The following ZNF682 variants were observed in gnomAD, a reference collection of about 807,000 sequenced individuals.
ZNF682 encodes zinc finger protein 682.
Under a neutral mutation model 36.5 loss-of-function variants are expected in ZNF682, and 29 were observed. The ratio of observed to expected loss-of-function variants is 0.80; its 90% CI spans 0.59 to 1.08. The LOEUF (loss-of-function observed/expected upper bound fraction) is 1.08, where lower values mean the gene tolerates loss of function less well. Ranked by LOEUF, ZNF682 falls within the 50% of genes least tolerant of loss-of-function variation. The pLI is 0.00. For synonymous variants in ZNF682, 180 were observed against 197.0 expected (o/e 0.91, Z 0.72); for missense variants, 561 against 579.7 (o/e 0.97, Z 0.33).
Position 20,039,233 on chromosome 19 carries a change from C to T in ZNF682, c.3+110G>A, listed in dbSNP as rs2088562018. ...GCTGTGCCTGCCGGGGACTCCAGTCCGCAGACTCCGGAGCTGACAGCTGGG... is the reference window on the plus strand; with the variant it reads ...GCTGTGCCTGCCGGGGACTCCAGTCTGCAGACTCCGGAGCTGACAGCTGGG... On this transcript the variant is annotated intron_variant, in intron 1 of 3. Transcript: ENST00000397165. 2.0e-6 allele frequency: 3 copies of T among 1,534,560 alleles called. No homozygotes were observed. In the South Asian group the frequency reaches 3.7e-5, roughly 19 times the overall value.
At chr19:20,011,136 AAAAC>A (rs1394827324) in intron 3 of ZNF682, among the ~76,000 whole-genome samples, 2 of 152,178 alleles carry the variant, frequency 1.3e-5, no homozygotes, top group Non-Finnish European at 2.9e-5. Context: ...AAATGGGAAA[AAAAC>A]AAACAAAAAA....
Position 20,022,998 on chromosome 19 carries a change from A to C in ZNF682, c.226+6T>G. On this transcript the variant is annotated splice_donor_region_variant and intron_variant, in intron 3 of 3. Coordinates refer to ENST00000397165, the MANE Select transcript of ZNF682 (RefSeq NM_033196.3). Reference sequence around the variant, plus strand: ...CTGTGGCATGTGTTTCATTCATCCAACCTACCTGGGGGTTTGGCTATGGTC... The same window carrying C: ...CTGTGGCATGTGTTTCATTCATCCACCCTACCTGGGGGTTTGGCTATGGTC... The C allele has an allele frequency of 6.2e-7, 1 of 1,611,646 alleles. No homozygotes were observed. The highest frequency in any genetic ancestry group is 1.3e-5 in the African/African-American group (1 of 74,828).
intron 3 of ZNF682, among the ~76,000 whole-genome samples, chr19:20,022,137 C>A (rs1438597677): frequency 6.7e-6 from 1 of 148,864 alleles, no homozygotes; most frequent in South Asian, 2.1e-4. Flanking sequence ...GCCCTGCACT[C>A]CAGCCTGGGT....
intron 3 of ZNF682, among the ~76,000 whole-genome samples, chr19:20,020,056 AAAAAAAAG>A (rs1269881615): frequency 3.2e-4 from 23 of 72,230 alleles, no homozygotes; most frequent in Non-Finnish European, 7.9e-5. Flanking sequence ...TTAAAAAAAA[AAAAAAAAG>A]AAAGAAATTT....
chr19:20,011,529 C>T (rs777233701), intron 3 of ZNF682, among the ~76,000 whole-genome samples: 39 of 152,192 alleles, frequency 2.6e-4, no homozygotes, highest in African/African-American at 2.9e-4. Flanking sequence ...ACAGAATATA[C>T]TTTAAGATTG....
At chr19:20,023,608 G>A (rs2088406513) in intron 2 of ZNF682, among the ~76,000 whole-genome samples, 1 of 152,034 alleles carries the variant, frequency 6.6e-6, no homozygotes, top group African/African-American at 2.4e-5. Flanking sequence ...CTACTTAATC[G>A]AAAATTGGTG....
chr19:20,016,991 G>A (rs924333979), intron 3 of ZNF682, among the ~76,000 whole-genome samples: 2 of 152,088 alleles, frequency 1.3e-5, no homozygotes, highest in Admixed American at 1.3e-4. Flanking sequence ...CTGAAGTAAA[G>A]ATGAGATTTA....
chr19:20,001,435 G>A (rs1194992144), downstream of ZNF682, among the ~76,000 whole-genome samples: 3 of 152,214 alleles, frequency 2.0e-5, no homozygotes, highest in South Asian at 2.1e-4. Flanking sequence ...CAGGGAAGGA[G>A]GTGTGCATGC....
At chr19:20,035,191 G>A (rs1269642270) in intron 1 of ZNF682, among the ~76,000 whole-genome samples, 2 of 152,158 alleles carry the variant, frequency 1.3e-5, no homozygotes, top group Non-Finnish European at 2.9e-5. Context: ...TGTGACAGAG[G>A]TGGGGTTAAT....
chr19:20,034,494 T>C (rs1024973138), intron 1 of ZNF682, among the ~76,000 whole-genome samples: 1 of 151,986 alleles, frequency 6.6e-6, no homozygotes, highest in African/African-American at 2.4e-5. Flanking sequence ...AATGAAAAAA[T>C]AGGGCCAGGC....
In ZNF682 at chr19:20,037,116, T is replaced by C. The variant is rs530230756; in HGVS notation, c.3+2227A>G. On this transcript the variant is annotated intron_variant, in intron 1 of 3. Transcript: ENST00000397165. ...CTTATTTCTAATTTGTATTTGCTTCTGCAAAAGGTAGGTCTAGGCCCATGG... is the reference window on the plus strand; with the variant it reads ...CTTATTTCTAATTTGTATTTGCTTCCGCAAAAGGTAGGTCTAGGCCCATGG... 2.1e-4 allele frequency among the ~76,000 whole-genome samples: 32 copies of C among 152,336 alleles called. No individual in the cohort carries two copies. The South Asian group carries it at 6.6e-3, about 32-fold the overall frequency.
chr19:19,998,499 G>A (rs113754781), intron 3 of ZNF682, among the ~76,000 whole-genome samples: 1 of 152,192 alleles, frequency 6.6e-6, no homozygotes, highest in Non-Finnish European at 1.5e-5. Context: ...ACATTGCCCT[G>A]AAACTTAGCA....
At chr19:20,031,563 A>G (rs1299036262) in intron 1 of ZNF682, among the ~76,000 whole-genome samples, 2 of 152,216 alleles carry the variant, frequency 1.3e-5, no homozygotes, top group African/African-American at 4.8e-5. Flanking sequence ...AGTGACATCA[A>G]CCTGGCTGTG....
intron 3 of ZNF682, among the ~76,000 whole-genome samples, chr19:20,017,334 A>G (rs2088343013): frequency 6.6e-6 from 1 of 152,190 alleles, no homozygotes; most frequent in African/African-American, 2.4e-5. Context: ...TTTAGTTTTA[A>G]GGAGACAAAC....
rs894989249 is a variant in ZNF682, at chr19:20,028,136, C to T, written c.4-3760G>A. ...ATGTGATGAGCTGACAATCACTTAG[C>T]TAAGAATTGCCTCTTAAACTTTAAT... On this transcript the variant is annotated intron_variant, in intron 1 of 3. Transcript: ENST00000397165. Among the ~76,000 whole-genome samples the T allele has an allele frequency of 1.8e-4, 28 of 152,162 alleles. 1 individual carries two copies. The highest frequency in any genetic ancestry group is 2.9e-5 in the Non-Finnish European group (2 of 68,040).
chr19:20,011,211 GACAA>G (rs2088285068), intron 3 of ZNF682, among the ~76,000 whole-genome samples: 1 of 151,810 alleles, frequency 6.6e-6, no homozygotes, highest in African/African-American at 2.4e-5. Flanking sequence ...CAGTAAAAAA[GACAA>G]ACACATTACA....
Position 20,007,138 on chromosome 19 carries a change from C to CA in ZNF682, c.363dup (p.Glu122Ter), listed in dbSNP as rs1458731686. ...TAAATTTCTTTTTGATCCTTACACTCACCCACATTTTCCCCATCCTTCCTT... is the reference window on the plus strand; with the variant it reads ...TAAATTTCTTTTTGATCCTTACACTCAACCCACATTTTCCCCATCCTTCCTT... On this transcript the variant is annotated frameshift_variant, in exon 4 of 4. Transcript: ENST00000397165. LOFTEE classifies it low-confidence loss of function (END_TRUNC). The CA allele has an allele frequency of 6.2e-7, 1 of 1,613,456 alleles. No individual in the cohort carries two copies. Among genetic ancestry groups the CA allele is most frequent in the African/African-American group, 1.3e-5 (1 of 74,938 alleles).
intron 3 of ZNF682, among the ~76,000 whole-genome samples, chr19:20,014,445 T>C (rs1420951244): frequency 2.0e-5 from 3 of 152,140 alleles, no homozygotes; most frequent in Admixed American, 6.5e-5. Flanking sequence ...ATTTATAATA[T>C]ACAAATAATG....
In ZNF682 at chr19:20,024,770, AGAG is replaced by A. The variant is rs533519092; in HGVS notation, c.4-397_4-395del. Among the ~76,000 whole-genome samples, 10 of 151,882 alleles carry A rather than the reference AGAG, an allele frequency of 6.6e-5. No homozygotes were observed. The South Asian group carries it at 2.1e-3, about 32-fold the overall frequency. On this transcript the variant is annotated intron_variant, in intron 1 of 3. Transcript: ENST00000397165. ...GGAGAATCACTTGAACTCAGGAGGC[AGAG>A]GTTGCAGTGAGCTGAGATCATGCCA...
Sources: gnomAD v4.1 joint callset for allele counts (sites outside exome capture counted in the v4.1 genomes callset) on GRCh38, gnomAD v4.1.1 for gene constraint, MANE v1.5 for transcripts, NCBI Gene and HGNC (gene_info 2026-07-23, HGNC 2026-07-21) for gene names.